The following RCOR3 variants were observed in gnomAD, a reference collection of about 807,000 sequenced individuals.
RCOR3 encodes the protein REST corepressor 3.
A neutral mutation model predicts 64.1 loss-of-function variants in RCOR3; 13 were observed. That is an observed-to-expected ratio of 0.20 (90% CI 0.13 to 0.32). The LOEUF is 0.32. Ranked by LOEUF, RCOR3 falls within the 10% of genes least tolerant of loss-of-function variation. The probability of loss-of-function intolerance (pLI) is 1.00; values close to 1 mark genes in which losing one functional copy is unlikely to be tolerated. For missense variants in RCOR3, 489 were observed against 701.2 expected (o/e 0.70, Z 3.42); for synonymous variants, 215 against 239.0 (o/e 0.90, Z 0.93).
At chr1:211,279,214 G>C in intron 6 of RCOR3, 24 bp from the exon 7 acceptor site, 1 of 1,399,636 alleles carries the variant, frequency 7.1e-7, no homozygotes, top group Non-Finnish European at 9.9e-7. Flanking sequence ...GGAATTAAGT[G>C]TACTAATTTT....
intron 2 of RCOR3, among the ~76,000 whole-genome samples, chr1:211,270,884 C>T (rs1696076886): frequency 6.8e-6 from 1 of 146,848 alleles, no homozygotes. Context: ...GAGACGGAGT[C>T]TCGCTCTTTC....
intron 7 of RCOR3, among the ~76,000 whole-genome samples, chr1:211,287,475 A>C (rs965711141): frequency 2.0e-5 from 3 of 152,202 alleles, no homozygotes; most frequent in Non-Finnish European, 4.4e-5. Flanking sequence ...AGACTTTAAA[A>C]AATGTTTGAT....
chr1:211,259,389 CT>C lies in RCOR3; in HGVS notation c.-171del. 1.7e-6 allele frequency: 1 copy of C among 600,280 alleles called. No individual in the cohort carries two copies. The highest frequency in any genetic ancestry group is 2.8e-6 in the Non-Finnish European group (1 of 353,568). The allele number at this position is 600,280 out of a possible 1,614,324, so 37.2% of individuals were successfully genotyped here. A position where few individuals can be genotyped will look rare whatever the true frequency, so the allele number is the denominator to read the frequency against. On this transcript the variant is annotated 5_prime_UTR_variant, in exon 1 of 12. Transcript: ENST00000419091. ...GGGTTGTTGTGAGGCGACTGCGCTA[CT>C]GCCGGAGCGGGGCGGTTATGGCGGC...
chr1:211,292,828 G>T (rs1165451988), intron 8 of RCOR3, among the ~76,000 whole-genome samples: 5 of 152,150 alleles, frequency 3.3e-5, no homozygotes, highest in African/African-American at 4.8e-5. Context: ...GCTCATGCCT[G>T]TAATCCCAGC....
chr1:211,268,240 G>A (rs149136089), intron 2 of RCOR3, among the ~76,000 whole-genome samples: 3,605 of 151,926 alleles, frequency 0.024, 74 homozygotes, highest in Non-Finnish European at 0.034. Flanking sequence ...ACTTAAATAG[G>A]ATTTTTGTTT....
chr1:211,259,530 C>A lies in RCOR3; in HGVS notation c.-31C>A. On this transcript the variant is annotated 5_prime_UTR_variant, in exon 1 of 12. Coordinates refer to ENST00000419091, the MANE Select transcript of RCOR3 (RefSeq NM_001136223.3). ...GCCTTCACCCTGACGCCTGCCTCTT[C>A]CCCTCACCTTTCCCCCTCCCCTGTT... 6.5e-7 allele frequency: 1 copy of A among 1,538,748 alleles called. No individual in the cohort carries two copies.
intron 7 of RCOR3, among the ~76,000 whole-genome samples, chr1:211,287,542 T>C (rs1379811325): frequency 6.6e-6 from 1 of 152,206 alleles, no homozygotes; most frequent in Non-Finnish European, 1.5e-5. Context: ...AGATCCGCCA[T>C]GTGTTGCTTG....
chr1:211,259,545 C>T lies in RCOR3; in HGVS notation c.-16C>T. On this transcript the variant is annotated 5_prime_UTR_variant, in exon 1 of 12. Transcript: ENST00000419091. ...CCTGCCTCTTCCCCTCACCTTTCCC[C>T]CTCCCCTGTTCTACCATGCCCGGCA... is the stretch of plus-strand genomic sequence containing the variant. The T allele has an allele frequency of 6.5e-7, 1 of 1,546,086 alleles. No individual in the cohort carries two copies. The highest frequency in any genetic ancestry group is 8.7e-7 in the Non-Finnish European group (1 of 1,144,848).
At chr1:211,270,103 C>CAACA (rs1381742083) in intron 2 of RCOR3, among the ~76,000 whole-genome samples, 1 of 147,752 alleles carries the variant, frequency 6.8e-6, no homozygotes, top group African/African-American at 2.5e-5. Flanking sequence ...GGCTCTGTTA[C>CAACA]CCAGGCTGGA....
intron 2 of RCOR3, among the ~76,000 whole-genome samples, chr1:211,260,683 C>G (rs978874873): frequency 6.6e-6 from 1 of 151,502 alleles, no homozygotes; most frequent in Admixed American, 6.6e-5. Flanking sequence ...TTCTTTTTGG[C>G]TAGGTGGTGT....
intron 8 of RCOR3, among the ~76,000 whole-genome samples, chr1:211,294,647 C>T (rs1281131617): frequency 7.2e-6 from 1 of 139,086 alleles, no homozygotes; most frequent in South Asian, 2.2e-4. Context: ...TGGAGTGCAG[C>T]GGCGCGATCT....
chr1:211,260,555 C>T (rs912820420), intron 2 of RCOR3, among the ~76,000 whole-genome samples: 1 of 151,992 alleles, frequency 6.6e-6, no homozygotes, highest in Non-Finnish European at 1.5e-5. Flanking sequence ...TCGCTCGCCC[C>T]GGCGCCGAGG....
intron 6 of RCOR3, 87 bp downstream of exon 6, chr1:211,278,328 C>T: frequency 7.3e-7 from 1 of 1,378,104 alleles, no homozygotes; most frequent in Non-Finnish European, 1.0e-6. Context: ...GTTATCACAA[C>T]ACATTGTAAA....
chr1:211,284,227 TTTTGTTTGTTTG>T (rs886423144), intron 7 of RCOR3, among the ~76,000 whole-genome samples: 3 of 151,378 alleles, frequency 2.0e-5, no homozygotes, highest in Admixed American at 1.3e-4. Flanking sequence ...CTAATTGTTT[TTTTGTTTGTTTG>T]TTTGTTTGTT....
intron 10 of RCOR3, among the ~76,000 whole-genome samples, chr1:211,307,273 G>A (rs1283004035): frequency 2.6e-5 from 4 of 152,130 alleles, no homozygotes; most frequent in Non-Finnish European, 5.9e-5. Context: ...TGGATCACTT[G>A]AGGCCAGGAG....
Position 211,276,285 on chromosome 1 carries a change from A to T in RCOR3, c.383A>T (p.His128Leu). The change falls in exon 5 of 12, where the codon CAT (histidine) becomes CTT (leucine). Residue 128 changes from histidine (H) to leucine (L), a missense_variant. His to Leu is a moderately conservative substitution (Grantham distance 99, BLOSUM62 -3). Transcript: ENST00000419091. The stretch of plus-strand genomic sequence containing the variant: ...CTTGGCATGTTGTTCTGGCATAAAC[A>T]TAACATTGAGAAGTCCCTTGCTGAT... ...QALGMLFWHK[H>L]NIEKSLADLP... The T allele has an allele frequency of 6.2e-7, 1 of 1,613,862 alleles. No homozygotes were observed. The highest frequency in any genetic ancestry group is 8.5e-7 in the Non-Finnish European group (1 of 1,179,806).
In RCOR3 at chr1:211,289,519, A is replaced by G. The variant is rs1698981861; in HGVS notation, c.939+123A>G. On this transcript the variant is annotated intron_variant, in intron 8 of 11. Coordinates refer to ENST00000419091, the MANE Select transcript of RCOR3 (RefSeq NM_001136223.3). Reference sequence around the variant, plus strand: ...TCAGCCATCCACTTATGCAGGTTTCATTTTTTAAAGTTTATCTTAAGTCCA... The same window carrying G: ...TCAGCCATCCACTTATGCAGGTTTCGTTTTTTAAAGTTTATCTTAAGTCCA... The G allele has an allele frequency of 3.7e-5, 28 of 751,350 alleles. 1 individual carries two copies. In the South Asian group the frequency reaches 5.1e-4, roughly 14 times the overall value. The allele number at this position is 751,350 out of a possible 1,614,324, so 46.5% of individuals were successfully genotyped here.
intron 7 of RCOR3, among the ~76,000 whole-genome samples, chr1:211,280,984 C>CAAAA (rs57531814): frequency 3.5e-5 from 4 of 113,994 alleles, no homozygotes; most frequent in African/African-American, 7.2e-5. Context: ...AACTCCATCT[C>CAAAA]AAAAAAAAAA....
At chr1:211,298,181 G>C (rs913138096) in intron 9 of RCOR3, among the ~76,000 whole-genome samples, 1 of 152,178 alleles carries the variant, frequency 6.6e-6, no homozygotes, top group Admixed American at 6.5e-5. Context: ...AGAACTTGCA[G>C]TCTAGATGTT....
Sources: gnomAD v4.1 joint callset for allele counts (sites outside exome capture counted in the v4.1 genomes callset) on GRCh38, gnomAD v4.1.1 for gene constraint, MANE v1.5 for transcripts, NCBI Gene and HGNC (gene_info 2026-07-23, HGNC 2026-07-21) for gene names.